Variants in SPG11 observed in about 807,000 individuals in gnomAD.
SPG11 encodes the protein spatacsin.
In SPG11, 222 loss-of-function variants were observed where a neutral mutation model predicts 274.0. That is an observed-to-expected ratio of 0.81 (90% confidence interval 0.73 to 0.91). The LOEUF (loss-of-function observed/expected upper bound fraction) is 0.91, where lower values mean the gene tolerates loss of function less well. SPG11 is among the 40% of genes least tolerant of loss of function. The pLI, the probability that SPG11 is intolerant of heterozygous loss-of-function variation, is 0.00. For missense variants in SPG11, 3,114 were observed against 2,872.7 expected, an observed-to-expected ratio of 1.08 and a Z score of -1.92; for synonymous variants, 1,144 against 1,039.7, an observed-to-expected ratio of 1.10 and a Z score of -1.93.
At position 44,663,571 on chromosome 15, in the gene SPG11, A is replaced by G. The variant is rs757155556; in HGVS notation, c.77T>C (p.Leu26Pro). The G allele has an allele frequency of 1.3e-6, 2 of 1,597,172 alleles. No homozygotes were observed. Among genetic ancestry groups the G allele is most frequent in the Admixed American group, 3.4e-5 (2 of 58,242 alleles). ...GGGGACTGGCACCAACAGCATCGGT[A>G]GAACCCGCCCCATGGCCGCGGTGCC... is the stretch of plus-strand genomic sequence containing the variant. ...SWGTAAMGRV[L>P]PMLLVPVPAE... The change falls in exon 1 of 40, where the codon CTA becomes CCA. Residue 26 changes from leucine (L) to proline (P), a missense_variant. By Grantham distance (98) the Leu-to-Pro change is moderately conservative. Transcript: ENST00000261866.
In SPG11 at chr15:44,595,430, AAC is replaced by A. The variant is rs587777921; in HGVS notation, c.4462_4463del (p.Val1488LeufsTer13). 4 of 1,614,122 alleles carry A rather than the reference AAC, an allele frequency of 2.5e-6. No homozygotes were observed. In the East Asian group the frequency reaches 6.7e-5, roughly 27 times the overall value. On this transcript the variant is annotated frameshift_variant, in exon 26 of 40. Transcript: ENST00000261866. LOFTEE classifies it high-confidence loss of function. ...TGTCCTCCACAGAAGTGATGATCCA[AAC>A]ACAGAGACAAGAAATGGCACTGGCA... ...QGASAISCLC[V>X]WIITSVEDNV...
At chr15:44,625,381 G>A (rs1449714486) in intron 11 of SPG11, among the ~76,000 whole-genome samples, 1 of 152,138 alleles carries the variant, frequency 6.6e-6, no homozygotes, top group African/African-American at 2.4e-5. Flanking sequence ...CAATGTTGGA[G>A]GAGGGGCCTG....
At chr15:44,599,242 A>G (rs1164112649) in intron 21 of SPG11, among the ~76,000 whole-genome samples, 2 of 152,154 alleles carry the variant, frequency 1.3e-5, no homozygotes, top group Non-Finnish European at 2.9e-5. Context: ...AAACTCATAT[A>G]GGCCTTTTAT....
chr15:44,663,181 C>G (rs1222940168), intron 1 of SPG11, among the ~76,000 whole-genome samples: 1 of 152,244 alleles, frequency 6.6e-6, no homozygotes, highest in Non-Finnish European at 1.5e-5. Flanking sequence ...GAGAGCTGGG[C>G]TGCCAGAATG....
At chr15:44,585,507 C>G (rs1392176801) in intron 29 of SPG11, 129 bp downstream of exon 29, 3 of 696,242 alleles carry the variant, frequency 4.3e-6, no homozygotes, top group Non-Finnish European at 7.3e-6. Flanking sequence ...GAGGCTGAGG[C>G]AGGAGAATTG....
At position 44,585,845 on chromosome 15, in the gene SPG11, C is replaced by A; in HGVS notation, c.4912G>T (p.Asp1638Tyr). ...EREHLFSDGP[D>Y]VKKLCILCQI... ...CAAAGGATGCAAAGCTTTTTCACAT[C>A]TGGACCTGTGCCAAAGAGAAAAGGA... is the stretch of plus-strand genomic sequence containing the variant. The change falls in exon 29 of 40, where the codon GAT (aspartate) becomes TAT (tyrosine). Residue 1638 changes from aspartate to tyrosine, a missense_variant. Coordinates refer to ENST00000261866, the MANE Select transcript of SPG11 (RefSeq NM_025137.4). 6.2e-7 allele frequency: 1 copy of A among 1,613,882 alleles called. No individual in the cohort carries two copies. The highest frequency in any genetic ancestry group is 1.3e-5 in the African/African-American group (1 of 74,996).
chr15:44,565,762 C>G (rs2082294423), intron 38 of SPG11, 92 bp downstream of exon 38: 1 of 1,514,882 alleles, frequency 6.6e-7, no homozygotes, highest in Non-Finnish European at 9.1e-7. Flanking sequence ...GGTTCTGTCA[C>G]TAGCCCTGAG....
At position 44,608,455 on chromosome 15, in the gene SPG11, G is replaced by A; in HGVS notation, c.3442C>T (p.His1148Tyr). Reference sequence around the variant, plus strand: ...CCTAAATACTGTACCTGAATAAGGTGGTAGATTGTAATATCAGATGGCAGG... The same window carrying A: ...CCTAAATACTGTACCTGAATAAGGTAGTAGATTGTAATATCAGATGGCAGG... ...SVLPSDITIY[H>Y]LIQSLSPFDP... Residue 1148 changes from histidine to tyrosine, a missense_variant, in exon 19 of 40, where the codon CAC (histidine) becomes TAC (tyrosine). By Grantham distance (83) the His-to-Tyr change is moderately conservative. Coordinates refer to ENST00000261866, the MANE Select transcript of SPG11 (RefSeq NM_025137.4). 6.2e-7 allele frequency: 1 copy of A among 1,614,076 alleles called. No homozygotes were observed. Among genetic ancestry groups the A allele is most frequent in the Admixed American group, 1.7e-5 (1 of 60,010 alleles).
At chr15:44,601,697 T>TA (rs1168490099) in intron 20 of SPG11, among the ~76,000 whole-genome samples, 3 of 151,900 alleles carry the variant, frequency 2.0e-5, no homozygotes, top group East Asian at 1.9e-4. Flanking sequence ...AGCTAGGACT[T>TA]AGAGGCACGT....
At position 44,571,017 on chromosome 15, in the gene SPG11, G is replaced by C. The variant is rs140270382; in HGVS notation, c.6344-359C>G. Reference sequence around the variant, plus strand: ...ATGAATCCAAGGGCATTCTCTGCTTGTATCCCAGCAAAAGGTCTCAGGGCC... The same window carrying C: ...ATGAATCCAAGGGCATTCTCTGCTTCTATCCCAGCAAAAGGTCTCAGGGCC... On this transcript the variant is annotated intron_variant, in intron 33 of 39. Coordinates refer to ENST00000261866, the MANE Select transcript of SPG11 (RefSeq NM_025137.4). Among the ~76,000 whole-genome samples, 13 of 152,258 alleles carry C rather than the reference G, an allele frequency of 8.5e-5. No individual in the cohort carries two copies. In the East Asian group the frequency reaches 2.5e-3, roughly 29 times the overall value.
chr15:44,618,180 G>T (rs1302078639), intron 15 of SPG11, among the ~76,000 whole-genome samples: 1 of 152,010 alleles, frequency 6.6e-6, no homozygotes, highest in African/African-American at 2.4e-5. Context: ...GTATGATGTT[G>T]GCTAAAAGGA....
chr15:44,573,274 C>T (rs575574711), intron 32 of SPG11: 25 of 593,910 alleles, frequency 4.2e-5, no homozygotes, highest in Admixed American at 1.5e-4. Context: ...CGTGAGCCAC[C>T]GCGCCCGGCC....
chr15:44,620,107 T>G, intron 15 of SPG11, 83 bp downstream of exon 15: 1 of 1,098,684 alleles, frequency 9.1e-7, no homozygotes, highest in South Asian at 1.3e-5. Context: ...TTATGGCATT[T>G]CAAAGGAAAA....
intron 36 of SPG11, among the ~76,000 whole-genome samples, chr15:44,567,102 A>G (rs1347958618): frequency 6.6e-6 from 1 of 151,950 alleles, no homozygotes; most frequent in African/African-American, 2.4e-5. Context: ...CTGTAATCCC[A>G]GCACTTTGGG....
chr15:44,648,959 G>GT lies in SPG11; in HGVS notation c.1508dup (p.Asn503LysfsTer55). ...TGGCACTTCCATGGATCATGAGTCT[G>GT]TTTAAAAACTCTTCTTGAGTCAAAC... On this transcript the variant is annotated frameshift_variant, in exon 7 of 40. Coordinates refer to ENST00000261866, the MANE Select transcript of SPG11 (RefSeq NM_025137.4). LOFTEE classifies it high-confidence loss of function. 6.2e-7 allele frequency: 1 copy of GT among 1,613,886 alleles called. No homozygotes were observed. The highest frequency in any genetic ancestry group is 8.5e-7 in the Non-Finnish European group (1 of 1,179,830).
At chr15:44,607,551 G>A (rs2083353272) in intron 19 of SPG11, among the ~76,000 whole-genome samples, 1 of 152,186 alleles carries the variant, frequency 6.6e-6, no homozygotes, top group Admixed American at 6.5e-5. Flanking sequence ...TTACAGGCAT[G>A]AGCCACTGCA....
At chr15:44,602,115 T>G (rs1189143997) in intron 20 of SPG11, among the ~76,000 whole-genome samples, 1 of 152,226 alleles carries the variant, frequency 6.6e-6, no homozygotes, top group Non-Finnish European at 1.5e-5. Flanking sequence ...ACAGTTTTAC[T>G]GGTAGAGTCT....
chr15:44,652,035 GTATC>G, intron 5 of SPG11, 90 bp downstream of exon 5: 1 of 1,519,740 alleles, frequency 6.6e-7, no homozygotes, highest in East Asian at 2.3e-5. Flanking sequence ...AAAAAAAAAA[GTATC>G]TATCAAATAA....
At chr15:44,636,924 T>TCAAAAAAACAAAAA (rs1567180371) in intron 7 of SPG11, among the ~76,000 whole-genome samples, 1 of 10,494 alleles carries the variant, frequency 9.5e-5, no homozygotes, top group Non-Finnish European at 1.6e-4. Context: ...AGACTCCATC[T>TCAAAAAAACAAAAA]CAAAAAAAAA....
Sources: allele counts gnomAD v4.1 joint callset (sites outside exome capture counted in the v4.1 genomes callset), GRCh38; gene constraint gnomAD v4.1.1; transcripts MANE v1.5; gene names NCBI Gene and HGNC (gene_info 2026-07-23, HGNC 2026-07-21).